Variants in ADAMTS12 observed in about 807,000 individuals in gnomAD.
ADAMTS12 encodes the protein A disintegrin and metalloproteinase with thrombospondin motifs 12.
Under a neutral mutation model 167.8 loss-of-function variants are expected in ADAMTS12, and 118 were observed. The observed-to-expected ratio is 0.70, with a 90% CI of 0.61 to 0.82. The LOEUF (loss-of-function observed/expected upper bound fraction) is 0.82, where lower values mean the gene tolerates loss of function less well. ADAMTS12 is among the 40% of genes least tolerant of loss of function. The pLI, the probability that ADAMTS12 is intolerant of heterozygous loss-of-function variation, is 0.00. For missense variants in ADAMTS12, 1,916 were observed against 1,998.8 expected, an observed-to-expected ratio of 0.96 and a Z score of 0.79; for synonymous variants, 704 against 716.9, an observed-to-expected ratio of 0.98 and a Z score of 0.29.
chr5:33,583,571 T>C (rs917892379), intron 18 of ADAMTS12, among the ~76,000 whole-genome samples: 9 of 152,334 alleles, frequency 5.9e-5, no homozygotes, highest in African/African-American at 1.7e-4. Context: ...ACCTCCAAAC[T>C]GCTCTCCACA....
At chr5:33,883,264 A>G (rs1312021166) in intron 1 of ADAMTS12, among the ~76,000 whole-genome samples, 1 of 151,176 alleles carries the variant, frequency 6.6e-6, no homozygotes, top group Non-Finnish European at 1.5e-5. Context: ...AATTAAAATA[A>G]CTGGGCTTGA....
intron 2 of ADAMTS12, among the ~76,000 whole-genome samples, chr5:33,820,182 T>A (rs1747817875): frequency 6.6e-6 from 1 of 152,190 alleles, no homozygotes; most frequent in African/African-American, 2.4e-5. Flanking sequence ...ACTGTTTAGA[T>A]GTTTTCAATC....
intron 20 of ADAMTS12, among the ~76,000 whole-genome samples, chr5:33,556,904 G>C (rs1424917082): frequency 6.6e-6 from 1 of 152,180 alleles, no homozygotes; most frequent in Non-Finnish European, 1.5e-5. Flanking sequence ...AGTTGCTGCT[G>C]AATAAAATAA....
Position 33,594,076 on chromosome 5 carries a change from G to A in ADAMTS12, c.2654+1858C>T, listed in dbSNP as rs369359473. Reference sequence around the variant, plus strand: ...TGTGTCCCCACTCAAATCTCAGCTTGAATTGTAGCTCCCATAATTCCCACG... The same window carrying A: ...TGTGTCCCCACTCAAATCTCAGCTTAAATTGTAGCTCCCATAATTCCCACG... On this transcript the variant is annotated intron_variant, in intron 17 of 23. Coordinates refer to ENST00000504830, the MANE Select transcript of ADAMTS12 (RefSeq NM_030955.4). 3.7e-4 allele frequency among the ~76,000 whole-genome samples: 56 copies of A among 152,336 alleles called. 1 individual carries two copies. In the South Asian group the frequency reaches 0.011, roughly 30 times the overall value.
At chr5:33,823,286 C>T (rs549658415) in intron 2 of ADAMTS12, among the ~76,000 whole-genome samples, 16 of 152,256 alleles carry the variant, frequency 1.1e-4, no homozygotes, top group South Asian at 6.2e-4. Flanking sequence ...AGCACACTGG[C>T]TGTTATTCTT....
intron 23 of ADAMTS12, among the ~76,000 whole-genome samples, chr5:33,528,160 A>G (rs112323337): frequency 0.019 from 2,930 of 152,122 alleles, 87 homozygotes; most frequent in African/African-American, 0.067. Flanking sequence ...ATTCTAAGTG[A>G]AGTAACTTCA....
chr5:33,769,669 A>G (rs55758327), intron 2 of ADAMTS12, among the ~76,000 whole-genome samples: 1,670 of 152,316 alleles, frequency 0.011, 29 homozygotes, highest in African/African-American at 0.038. Flanking sequence ...TCTACTGGGA[A>G]GAAAAATCAC....
chr5:33,705,222 A>C (rs957481978), intron 3 of ADAMTS12, among the ~76,000 whole-genome samples: 5 of 151,204 alleles, frequency 3.3e-5, no homozygotes, highest in African/African-American at 1.2e-4. Flanking sequence ...GGTTGCTGCA[A>C]ATGCCATTAT....
At chr5:33,725,484 A>G (rs1052647739) in intron 3 of ADAMTS12, among the ~76,000 whole-genome samples, 2 of 152,220 alleles carry the variant, frequency 1.3e-5, no homozygotes, top group Non-Finnish European at 2.9e-5. Flanking sequence ...GCCATCCCAG[A>G]GCATAGAAAC....
intron 13 of ADAMTS12, among the ~76,000 whole-genome samples, chr5:33,629,155 G>A (rs968568047): frequency 4.6e-5 from 7 of 152,162 alleles, no homozygotes; most frequent in African/African-American, 1.7e-4. Flanking sequence ...AGTCACTGAG[G>A]AGTGAATGTG....
chr5:33,883,472 G>A (rs1185751619), intron 1 of ADAMTS12, among the ~76,000 whole-genome samples: 1 of 151,750 alleles, frequency 6.6e-6, no homozygotes, highest in Non-Finnish European at 1.5e-5. Flanking sequence ...ATTTTTAGGT[G>A]TAAAAAGCCC....
At chr5:33,713,773 G>T (rs926113067) in intron 3 of ADAMTS12, among the ~76,000 whole-genome samples, 2 of 152,092 alleles carry the variant, frequency 1.3e-5, no homozygotes, top group Non-Finnish European at 2.9e-5. Context: ...TGCCACTACT[G>T]AGTAAAAGGC....
intron 7 of ADAMTS12, among the ~76,000 whole-genome samples, chr5:33,654,421 T>C (rs1740968957): frequency 6.6e-6 from 1 of 152,186 alleles, no homozygotes; most frequent in Non-Finnish European, 1.5e-5. Context: ...TTTAGCTTGC[T>C]TTTCTGACAC....
intron 16 of ADAMTS12, among the ~76,000 whole-genome samples, chr5:33,600,379 C>A (rs1282453480): frequency 6.6e-6 from 1 of 152,056 alleles, no homozygotes; most frequent in Non-Finnish European, 1.5e-5. Context: ...AAGCAATGTT[C>A]CTTACGTCTA....
intron 9 of ADAMTS12, among the ~76,000 whole-genome samples, chr5:33,646,749 A>G (rs1023544905): frequency 6.6e-6 from 1 of 152,210 alleles, no homozygotes; most frequent in Non-Finnish European, 1.5e-5. Context: ...AAAAAACCCC[A>G]AACAGGAGAA....
At position 33,595,981 on chromosome 5, in the gene ADAMTS12, CTG is replaced by C. The variant is rs1406649799; in HGVS notation, c.2605_2606del (p.Gln869AlafsTer10). On this transcript the variant is annotated frameshift_variant, in exon 17 of 24. Transcript: ENST00000504830. LOFTEE classifies it high-confidence loss of function. ...GGCACTTCTTCTGTCTCCCATTGGG[CTG>C]TGTTTCTGGGTCACAGAATGTAGCT... is the stretch of plus-strand genomic sequence containing the variant. ...VKATFCDPETQPNGRQKKCHE... is the reference protein window; with the variant it reads ...VKATFCDPETXPNGRQKKCHE... 1 of 1,614,146 alleles carries C rather than the reference CTG, an allele frequency of 6.2e-7. No individual in the cohort carries two copies. The highest frequency in any genetic ancestry group is 1.3e-5 in the African/African-American group (1 of 75,040).
intron 2 of ADAMTS12, among the ~76,000 whole-genome samples, chr5:33,868,817 G>A (rs1016634740): frequency 2.0e-5 from 3 of 152,324 alleles, no homozygotes; most frequent in Admixed American, 6.5e-5. Flanking sequence ...ATTAGTGTCA[G>A]TGTATTTTAT....
chr5:33,826,074 A>C (rs948908328), intron 2 of ADAMTS12, among the ~76,000 whole-genome samples: 3 of 152,210 alleles, frequency 2.0e-5, no homozygotes, highest in Non-Finnish European at 2.9e-5. Context: ...TTAAAAAAAG[A>C]AGTCCTCTTA....
intron 2 of ADAMTS12, among the ~76,000 whole-genome samples, chr5:33,766,332 A>C (rs1469748862): frequency 3.3e-5 from 5 of 152,152 alleles, no homozygotes; most frequent in Non-Finnish European, 7.4e-5. Flanking sequence ...CCCCAGTCTA[A>C]CCATGAGAAA....
Sources: gnomAD v4.1 joint callset for allele counts (sites outside exome capture counted in the v4.1 genomes callset) on GRCh38, gnomAD v4.1.1 for gene constraint, MANE v1.5 for transcripts, NCBI Gene and HGNC (gene_info 2026-07-23, HGNC 2026-07-21) for gene names.